Variants in AFDN observed in about 807,000 individuals in gnomAD.
The protein encoded by AFDN is afadin, adherens junction formation factor.
In AFDN, 68 loss-of-function variants were observed where a neutral mutation model predicts 216.6. The observed-to-expected ratio is 0.31, with a 90% CI of 0.26 to 0.38. The LOEUF is 0.38. AFDN is among the 10% of genes least tolerant of loss of function. The probability of loss-of-function intolerance (pLI) is 1.00; values close to 1 mark genes in which losing one functional copy is unlikely to be tolerated. For synonymous variants in AFDN, 868 were observed against 853.7 expected (o/e 1.02, Z -0.29); for missense variants, 2,136 against 2,342.0 (o/e 0.91, Z 1.82).
chr6:167,851,870 G>A (rs986529123), intron 1 of AFDN, among the ~76,000 whole-genome samples: 1 of 151,954 alleles, frequency 6.6e-6, no homozygotes, highest in Non-Finnish European at 1.5e-5. Context: ...AGTTTTTGTA[G>A]CGCATTTTTA....
chr6:167,911,929 T>A (rs1320546339), intron 15 of AFDN: 1 of 178,950 alleles, frequency 5.6e-6, no homozygotes, highest in Non-Finnish European at 1.2e-5. Flanking sequence ...CTCAAGTAGT[T>A]CCTGGGGTTT....
At chr6:167,942,611 G>A (rs926628505) in intron 23 of AFDN, among the ~76,000 whole-genome samples, 4 of 152,082 alleles carry the variant, frequency 2.6e-5, no homozygotes, top group Non-Finnish European at 5.9e-5. Context: ...TGTGAATTGG[G>A]TCTTGTTGCT....
intron 1 of AFDN, among the ~76,000 whole-genome samples, chr6:167,858,384 G>A (rs575615932): frequency 2.1e-4 from 32 of 152,322 alleles, no homozygotes; most frequent in African/African-American, 6.7e-4. Context: ...TAACATTTAG[G>A]TGTTTGGGTA....
intron 21 of AFDN, among the ~76,000 whole-genome samples, chr6:167,920,507 C>T (rs934442593): frequency 6.6e-6 from 1 of 152,092 alleles, no homozygotes; most frequent in Admixed American, 6.5e-5. Flanking sequence ...TCCCCACACA[C>T]GGGTTACTTA....
At chr6:167,869,831 T>C (rs940580989) in intron 2 of AFDN, among the ~76,000 whole-genome samples, 16 of 152,204 alleles carry the variant, frequency 1.1e-4, no homozygotes, top group African/African-American at 3.9e-4. Context: ...GGTAACTTTA[T>C]GGTGGAAGGG....
chr6:167,969,598 T>C (rs1251336720), intron 33 of AFDN, among the ~76,000 whole-genome samples, 184 bp from the exon 34 acceptor site: 1 of 152,206 alleles, frequency 6.6e-6, no homozygotes, highest in African/African-American at 2.4e-5. Flanking sequence ...CAAGAGAACA[T>C]GTTGCCCTTT....
chr6:167,938,375 A>T (rs1054450488), intron 23 of AFDN, among the ~76,000 whole-genome samples: 19 of 152,204 alleles, frequency 1.2e-4, no homozygotes, highest in African/African-American at 4.6e-4. Context: ...GCTGGCAGTT[A>T]CAAGAGTCTG....
intron 28 of AFDN, 79 bp from the exon 29 acceptor site, chr6:167,948,214 T>C (rs924950904): frequency 6.2e-6 from 8 of 1,282,404 alleles, no homozygotes; most frequent in Admixed American, 4.9e-5. Flanking sequence ...TTTTTTAAAT[T>C]TTAAAACAGA....
At chr6:167,890,767 T>A (rs1263945415) in intron 7 of AFDN, 95 bp from the exon 8 acceptor site, 1 of 1,203,676 alleles carries the variant, frequency 8.3e-7, no homozygotes, top group Non-Finnish European at 1.2e-6. Context: ...ATTACATGCA[T>A]CTTTTTGAGA....
At chr6:167,827,299 C>A (rs1779210040) in intron 1 of AFDN, 62 bp downstream of exon 1, 8 of 696,310 alleles carry the variant, frequency 1.1e-5, no homozygotes, top group African/African-American at 2.0e-5. Flanking sequence ...CCCCGCCCCT[C>A]CCCCCCGCCG....
chr6:167,947,395 G>C (rs560961917), intron 27 of AFDN, among the ~76,000 whole-genome samples: 13 of 152,198 alleles, frequency 8.5e-5, no homozygotes, highest in Non-Finnish European at 1.6e-4. Flanking sequence ...TAGCCAGGAT[G>C]GTCTCGATCT....
intron 6 of AFDN, 99 bp from the exon 7 acceptor site, chr6:167,889,116 G>A (rs2128330712): frequency 1.4e-6 from 1 of 728,262 alleles, no homozygotes; most frequent in Admixed American, 2.4e-5. Context: ...ATTCTACGGT[G>A]ACATTTTATT....
intron 1 of AFDN, chr6:167,827,641 C>G (rs920036290): frequency 3.3e-5 from 5 of 149,254 alleles, no homozygotes; most frequent in African/African-American, 1.2e-4. Flanking sequence ...GGTTGTGGCT[C>G]GCGGCGCCCC....
rs1167068699 is a variant in AFDN, at chr6:167,949,983, A to G, written c.3832-1203A>G. On this transcript the variant is annotated intron_variant, in intron 29 of 33. Transcript: ENST00000683244. ...CGAGCCAGCAGCCGGGGCCAGTGCAAAGTCTTAAGGGAGCAGAGAAGTGAC... is the reference window on the plus strand; with the variant it reads ...CGAGCCAGCAGCCGGGGCCAGTGCAGAGTCTTAAGGGAGCAGAGAAGTGAC... Among the ~76,000 whole-genome samples, 11 of 152,254 alleles carry G rather than the reference A, an allele frequency of 7.2e-5. No individual in the cohort carries two copies. In the East Asian group the frequency reaches 7.7e-4, roughly 11 times the overall value.
chr6:167,959,006 A>G (rs1046741320), intron 30 of AFDN, among the ~76,000 whole-genome samples: 2 of 152,248 alleles, frequency 1.3e-5, no homozygotes, highest in African/African-American at 4.8e-5. Flanking sequence ...GAGAAGAAAT[A>G]TGTATTAAAA....
intron 26 of AFDN, among the ~76,000 whole-genome samples, chr6:167,946,080 C>T (rs1054784813): frequency 2.1e-4 from 32 of 152,214 alleles, no homozygotes; most frequent in African/African-American, 7.5e-4. Flanking sequence ...CAAGGGGCAG[C>T]TCAACAAAAC....
intron 1 of AFDN, among the ~76,000 whole-genome samples, chr6:167,862,295 C>T (rs1281051687): frequency 1.3e-5 from 2 of 151,924 alleles, no homozygotes; most frequent in East Asian, 1.9e-4. Flanking sequence ...AGGCGGTGAG[C>T]GTGGCCTGTC....
At chr6:167,845,952 G>A (rs931417385) in intron 1 of AFDN, among the ~76,000 whole-genome samples, 1 of 152,152 alleles carries the variant, frequency 6.6e-6, no homozygotes, top group African/African-American at 2.4e-5. Context: ...GGTGGCAGGA[G>A]AGAAGTGAGT....
chr6:167,961,223 A>G (rs1797004923), intron 30 of AFDN, among the ~76,000 whole-genome samples: 1 of 152,220 alleles, frequency 6.6e-6, no homozygotes, highest in African/African-American at 2.4e-5. Context: ...TAGAGATTGA[A>G]CTAGATGGCT....
Sources: gnomAD v4.1 joint callset for allele counts (sites outside exome capture counted in the v4.1 genomes callset) on GRCh38, gnomAD v4.1.1 for gene constraint, MANE v1.5 for transcripts, NCBI Gene and HGNC (gene_info 2026-07-23, HGNC 2026-07-21) for gene names.